The following C4orf50 variants were observed in gnomAD, a reference collection of about 807,000 sequenced individuals.
The protein encoded by C4orf50 is chromosome 4 open reading frame 50, also known as uncharacterized protein C4orf50.
Under a neutral mutation model 77.2 loss-of-function variants are expected in C4orf50, and 80 were observed. That is an observed-to-expected ratio of 1.04 (90% confidence interval 0.87 to 1.25). The LOEUF is 1.25. Ranked by LOEUF, C4orf50 falls within the 50% of genes most tolerant of loss-of-function variation. The pLI is 0.00. For synonymous variants in C4orf50, 532 were observed against 465.3 expected (o/e 1.14, Z -1.84); for missense variants, 1,257 against 1,152.9 (o/e 1.09, Z -1.31).
At chr4:6,004,225 T>TGACG (rs1491010298) in intron 25 of C4orf50, among the ~76,000 whole-genome samples, 10 of 33,276 alleles carry the variant, frequency 3.0e-4, no homozygotes, top group African/African-American at 9.6e-4. Flanking sequence ...ATGGTGATGA[T>TGACG]GTGATGGTGA....
chr4:5,947,066 G>A (rs9684740), intron 7 of C4orf50, among the ~76,000 whole-genome samples: 50,174 of 152,050 alleles, frequency 0.33, 8,692 homozygotes, highest in Non-Finnish European at 0.37. Flanking sequence ...AATTCCCACC[G>A]ACTCACTCAT....
At chr4:5,990,990 G>A (rs921737920) in intron 27 of C4orf50, among the ~76,000 whole-genome samples, 166 bp from the exon 6 acceptor site, 2 of 152,172 alleles carry the variant, frequency 1.3e-5, no homozygotes, top group African/African-American at 2.4e-5. Context: ...GCCTTTGCAC[G>A]TGCTCTTCGC....
chr4:5,920,855 G>A (rs1717234667), intron 7 of C4orf50, among the ~76,000 whole-genome samples: 1 of 152,210 alleles, frequency 6.6e-6, no homozygotes, highest in Non-Finnish European at 1.5e-5. Context: ...AACAACTGCT[G>A]ACTGCAAAGG....
chr4:6,014,664 A>T (rs1722614448), intron 23 of C4orf50, among the ~76,000 whole-genome samples: 1 of 152,204 alleles, frequency 6.6e-6, no homozygotes, highest in Non-Finnish European at 1.5e-5. Context: ...AGCTTTTAGC[A>T]GCCCTGGATC....
chr4:5,964,050 C>G (rs1719415156), intron 33 of C4orf50, among the ~76,000 whole-genome samples: 1 of 152,106 alleles, frequency 6.6e-6, no homozygotes, highest in South Asian at 2.1e-4. Flanking sequence ...GAACATTTGT[C>G]TGAAGCCATC....
exon 28 of C4orf50, chr4:5,989,865 C>T: frequency 6.9e-7 from 1 of 1,450,850 alleles, no homozygotes; most frequent in Non-Finnish European, 9.0e-7. Flanking sequence ...CATCCTCTTC[C>T]TCTAGCCCTT....
rs144441429 is a variant in C4orf50, at chr4:6,017,171, G to A, written c.287+974C>T. ...AAGTTCTACAGAGAGAAACGAATGC[G>A]GAGAACCTATTTCAAAGATGACAGC... On this transcript the variant is annotated intron_variant, in intron 23 of 33. Transcript: ENST00000531445. The surrounding 1 kb of genome is among the most constrained non-coding windows in gnomAD (Gnocchi z 4.7). Among the ~76,000 whole-genome samples, 64 of 152,346 alleles carry A rather than the reference G, an allele frequency of 4.2e-4. 2 individuals are homozygous for A. The highest frequency in any genetic ancestry group is 1.4e-3 in the African/African-American group (59 of 41,592).
intron 7 of C4orf50, among the ~76,000 whole-genome samples, chr4:5,926,122 A>T (rs531396408): frequency 6.6e-6 from 1 of 152,344 alleles, no homozygotes; most frequent in South Asian, 2.1e-4. Context: ...TTAGATTTTT[A>T]TAATGAGCCC....
At chr4:6,013,728 G>C (rs926551535) in intron 23 of C4orf50, among the ~76,000 whole-genome samples, 3 of 152,172 alleles carry the variant, frequency 2.0e-5, no homozygotes, top group Admixed American at 1.3e-4. Flanking sequence ...AAAGATGGAG[G>C]CGGGACCAGG....
exon 28 of C4orf50, chr4:5,990,432 T>C: frequency 4.9e-6 from 2 of 405,566 alleles, no homozygotes; most frequent in Non-Finnish European, 8.6e-6. Context: ...TGGGGTGTTT[T>C]TTCAGAAATG....
chr4:6,011,742 A>G lies in C4orf50; in HGVS notation c.426+88T>C, dbSNP rs777835851. On this transcript the variant is annotated intron_variant, in intron 24 of 33. Transcript: ENST00000531445. The surrounding 1 kb of genome is among the most constrained non-coding windows in gnomAD (Gnocchi z 4.2). ...CTGGGCTCTCCCAGGCCCACCCTGT[A>G]CTGTCTTTGCCCAACTGCAGCTGCT... is the stretch of plus-strand genomic sequence containing the variant. 1.0e-4 allele frequency: 40 copies of G among 398,568 alleles called. No homozygotes were observed. Among genetic ancestry groups the G allele is most frequent in the Admixed American group, 3.1e-4 (7 of 22,716 alleles). 24.7% of individuals were successfully genotyped at this position (398,568 alleles called of 1,614,324 possible). A position where few individuals can be genotyped will look rare whatever the true frequency, so the allele number is the denominator to read the frequency against.
intron 27 of C4orf50, among the ~76,000 whole-genome samples, chr4:5,991,222 C>T (rs914226484): frequency 6.6e-6 from 1 of 152,230 alleles, no homozygotes; most frequent in African/African-American, 2.4e-5. Context: ...ATAGCCCTGC[C>T]CTGTCCAATC....
intron 28 of C4orf50, among the ~76,000 whole-genome samples, chr4:5,982,059 T>TA (rs1042519695): frequency 3.3e-5 from 5 of 152,212 alleles, no homozygotes; most frequent in South Asian, 4.2e-4. Context: ...ATTTTTTTTT[T>TA]AATTAATAGA....
At chr4:6,006,642 C>T (rs1722263326) in intron 25 of C4orf50, among the ~76,000 whole-genome samples, 1 of 152,176 alleles carries the variant, frequency 6.6e-6, no homozygotes, top group Admixed American at 6.5e-5. Context: ...AAAATGTAAG[C>T]TTTTACCCTC....
At chr4:6,012,681 T>C (rs73071527) in intron 23 of C4orf50, among the ~76,000 whole-genome samples, 67 of 152,236 alleles carry the variant, frequency 4.4e-4, no homozygotes, top group African/African-American at 1.6e-3. Flanking sequence ...GGCATAGACA[T>C]AGAACCCAGA....
chr4:5,941,074 C>T (rs754626788), intron 7 of C4orf50, among the ~76,000 whole-genome samples: 6 of 152,200 alleles, frequency 3.9e-5, no homozygotes, highest in Admixed American at 6.5e-5. Flanking sequence ...ATGGTTGTGA[C>T]TTTAAGCCAG....
At chr4:5,959,292 C>T in exon 34 of C4orf50, 1 of 1,471,186 alleles carries the variant, frequency 6.8e-7, no homozygotes. Context: ...TGATTGCTAC[C>T]AATTTCTTAA....
At position 5,908,036 on chromosome 4, in the gene C4orf50, G is replaced by GATTCATTCATTCATTC. The variant is rs61240934; in HGVS notation, c.*2475-9864_*2475-9849dup. 1.0e-3 allele frequency among the ~76,000 whole-genome samples: 155 copies of GATTCATTCATTCATTC among 151,386 alleles called. 4 individuals are homozygous for GATTCATTCATTCATTC. Among genetic ancestry groups the GATTCATTCATTCATTC allele is most frequent in the Admixed American group, 2.2e-3 (34 of 15,224 alleles). On this transcript the variant is annotated intron_variant, in intron 7 of 7. Transcript: ENST00000324058. The surrounding 1 kb of genome is among the most constrained non-coding windows in gnomAD (Gnocchi z 5.6). ...TAACAAAAAGAGCTGACCATTCACT[G>GATTCATTCATTCATTC]ATTCATTCATTCATTCATTCATTCA...
rs138841215 is a variant in C4orf50, at chr4:5,991,833, T to G, written c.1221+970A>C. Among the ~76,000 whole-genome samples, 251 of 151,996 alleles carry G rather than the reference T, an allele frequency of 1.7e-3. 3 individuals carry two copies. In the East Asian group the frequency reaches 0.045, roughly 27 times the overall value. ...GCAGAGGGGGCTTGAAGGCCAGGAG[T>G]GCTGCCCCTGCCTGGAGGGGCCACC... On this transcript the variant is annotated intron_variant, in intron 27 of 33. Transcript: ENST00000531445.
Sources: gnomAD v4.1 joint callset for allele counts (sites outside exome capture counted in the v4.1 genomes callset) on GRCh38, gnomAD v4.1.1 for gene constraint, Gnocchi (gnomAD v3.1) non-coding constraint, MANE v1.5 for transcripts, NCBI Gene and HGNC (gene_info 2026-07-23, HGNC 2026-07-21) for gene names.